CHAF1A: variants seen among roughly 807,000 people sequenced by gnomAD.
The protein encoded by CHAF1A is chromatin assembly factor 1 subunit A, also known as CAF-1 subunit A.
A neutral mutation model predicts 93.2 loss-of-function variants in CHAF1A; 5 were observed. That is an observed-to-expected ratio of 0.05 (90% CI 0.03 to 0.11). The LOEUF is 0.11. CHAF1A is among the 10% of genes least tolerant of loss of function. CHAF1A has a pLI of 1.00. For missense variants in CHAF1A, 1,102 were observed against 1,259.9 expected (o/e 0.87, Z 1.90); for synonymous variants, 504 against 510.3 (o/e 0.99, Z 0.17).
chr19:4,418,409 C>CTTTTTT (rs10549561), intron 4 of CHAF1A, among the ~76,000 whole-genome samples: 5 of 107,072 alleles, frequency 4.7e-5, no homozygotes, highest in Non-Finnish European at 7.6e-5. Flanking sequence ...AGTCCTGTCT[C>CTTTTTT]TTTTTTTTTT....
intron 2 of CHAF1A, 138 bp from the exon 3 acceptor site, chr19:4,408,765 C>T: frequency 9.0e-7 from 1 of 1,114,560 alleles, no homozygotes; most frequent in Non-Finnish European, 1.3e-6. Flanking sequence ...TGAGCCACCA[C>T]ACCCGGCCCA....
intron 1 of CHAF1A, among the ~76,000 whole-genome samples, chr19:4,403,433 C>G (rs1177722084): frequency 6.6e-6 from 1 of 152,262 alleles, no homozygotes; most frequent in African/African-American, 2.4e-5. Context: ...GAAGACCAGA[C>G]TGTCCCTCTC....
At position 4,422,941 on chromosome 19, in the gene CHAF1A, G is replaced by C. The variant is rs1903073656; in HGVS notation, c.1247+146G>C. Reference sequence around the variant, plus strand: ...TTTCTCCTTCGTGAGGTGCCCGTGGGGCCCTGACGTGGGAGCGGTGGAAAG... The same window carrying C: ...TTTCTCCTTCGTGAGGTGCCCGTGGCGCCCTGACGTGGGAGCGGTGGAAAG... On this transcript the variant is annotated intron_variant, in intron 5 of 14. Coordinates refer to ENST00000301280, the MANE Select transcript of CHAF1A (RefSeq NM_005483.3). This position sits in a 1 kb window ranked among gnomAD's most constrained non-coding sequence, Gnocchi z 4.6. 1.2e-6 allele frequency: 1 copy of C among 803,972 alleles called. No homozygotes were observed. The highest frequency in any genetic ancestry group is 1.7e-5 in the African/African-American group (1 of 57,322). 49.8% of individuals were successfully genotyped at this position (803,972 alleles called of 1,614,324 possible). A position where few individuals can be genotyped will look rare whatever the true frequency, so the allele number is the denominator to read the frequency against.
downstream of CHAF1A, chr19:4,446,134 C>G (rs761640078): frequency 1.9e-6 from 3 of 1,612,328 alleles, no homozygotes; most frequent in Non-Finnish European, 2.5e-6. Flanking sequence ...CAGCCAGTCG[C>G]TCTGCAGGGC....
At chr19:4,427,136 C>CTGTTTTTTTTTTTT (rs1974098280) in intron 7 of CHAF1A, among the ~76,000 whole-genome samples, 1 of 31,948 alleles carries the variant, frequency 3.1e-5, no homozygotes, top group Non-Finnish European at 5.0e-5. Flanking sequence ...AAGACCCTGT[C>CTGTTTTTTTTTTTT]TTTTTTTTTT....
intron 2 of CHAF1A, among the ~76,000 whole-genome samples, chr19:4,407,597 T>C (rs548387274): frequency 5.3e-5 from 8 of 152,296 alleles, no homozygotes; most frequent in African/African-American, 1.9e-4. Context: ...AACAAATGTC[T>C]CTTGAAATTC....
rs577302996 is a variant in CHAF1A, at chr19:4,436,261, T to C, written c.2673+2722T>C. ...CACAGCCATGGGCCTTAATATGCTG[T>C]GAATCTCCCTCAGCTGTCACAGCAG... is the stretch of plus-strand genomic sequence containing the variant. On this transcript the variant is annotated intron_variant, in intron 13 of 14. Coordinates refer to ENST00000301280, the MANE Select transcript of CHAF1A (RefSeq NM_005483.3). Among the ~76,000 whole-genome samples the C allele has an allele frequency of 2.0e-5, 3 of 152,312 alleles. No individual in the cohort carries two copies. In the South Asian group the frequency reaches 6.2e-4, roughly 32 times the overall value.
At chr19:4,411,375 A>C (rs1288061541) in intron 3 of CHAF1A, among the ~76,000 whole-genome samples, 1 of 151,978 alleles carries the variant, frequency 6.6e-6, no homozygotes, top group Admixed American at 6.6e-5. Context: ...GATTAGAGGC[A>C]CCCGCCACCA....
At chr19:4,423,658 G>A (rs867024503) in intron 6 of CHAF1A, 148 bp from the exon 7 acceptor site, 22 of 940,996 alleles carry the variant, frequency 2.3e-5, no homozygotes, top group East Asian at 1.0e-4. Flanking sequence ...GCTCAGTTGC[G>A]GGTCCGTGGG....
downstream of CHAF1A, chr19:4,448,578 G>T (rs564672174): frequency 3.1e-6 from 2 of 644,234 alleles, no homozygotes; most frequent in South Asian, 1.9e-5. Context: ...CTCCAAGACC[G>T]CAGCCCTGCC....
intron 3 of CHAF1A, among the ~76,000 whole-genome samples, chr19:4,414,976 C>T (rs983687964): frequency 1.1e-4 from 16 of 152,122 alleles, no homozygotes; most frequent in African/African-American, 3.9e-4. Flanking sequence ...AATCAGAGTC[C>T]ATAGGCTCTG....
At chr19:4,447,860 A>G, downstream of CHAF1A, 2 of 559,762 alleles carry the variant, frequency 3.6e-6, no homozygotes. Context: ...TCACCGTCCC[A>G]CCAGCCCTGG....
intron 13 of CHAF1A, among the ~76,000 whole-genome samples, chr19:4,440,557 C>T (rs940538907): frequency 3.3e-5 from 5 of 151,736 alleles, no homozygotes; most frequent in South Asian, 2.1e-4. Context: ...TGCAGTGAGT[C>T]GAGGTCTAAA....
In CHAF1A at chr19:4,423,810, T is replaced by C. The variant is rs1382039245; in HGVS notation, c.1313T>C (p.Ile438Thr). The C allele has an allele frequency of 5.0e-6, 8 of 1,614,020 alleles. No individual in the cohort carries two copies. Among genetic ancestry groups the C allele is most frequent in the Non-Finnish European group, 6.8e-6 (8 of 1,179,976 alleles). ...CACCATCTCTTAACATCACAGCGCA[T>C]TAAAGCAGAGAAGGCCGAAATCACG... ...EKRLREEEKR[I>T]KAEKAEITRF... Residue 438 changes from isoleucine to threonine, a missense_variant, in exon 7 of 15, where the codon ATT (isoleucine) becomes ACT (threonine). Around this residue, in one of 6 missense-constraint regions of CHAF1A, gnomAD observed 165 missense variants for 243.9 expected, o/e 0.68. Transcript: ENST00000301280.
At chr19:4,432,918 TCTTACACCCG>T in intron 12 of CHAF1A, 142 bp from the exon 13 acceptor site, 1 of 632,270 alleles carries the variant, frequency 1.6e-6, no homozygotes, top group Non-Finnish European at 2.7e-6. Context: ...TGCTACCCTG[TCTTACACCCG>T]CCCTCATGAG....
chr19:4,432,771 A>C lies in CHAF1A; in HGVS notation c.2204-299A>C, dbSNP rs969522679. Among the ~76,000 whole-genome samples, 3 of 151,544 alleles carry C rather than the reference A, an allele frequency of 2.0e-5. No individual in the cohort carries two copies. In the South Asian group the frequency reaches 6.3e-4, roughly 32 times the overall value. ...CAAGACCCTGTCTAAAAAAAAAAAA[A>C]AACTCAAAAAACTGGGGAGGGACCA... On this transcript the variant is annotated intron_variant, in intron 12 of 14. Coordinates refer to ENST00000301280, the MANE Select transcript of CHAF1A (RefSeq NM_005483.3).
intron 3 of CHAF1A, among the ~76,000 whole-genome samples, chr19:4,414,759 C>T (rs761812666): frequency 1.3e-5 from 2 of 152,134 alleles, no homozygotes; most frequent in Non-Finnish European, 2.9e-5. Context: ...CCTTGAGCTT[C>T]CTTCTACAAG....
chr19:4,410,105 T>C (rs1973765735), intron 3 of CHAF1A, among the ~76,000 whole-genome samples: 1 of 152,138 alleles, frequency 6.6e-6, no homozygotes, highest in African/African-American at 2.4e-5. Context: ...AGATTCGAGG[T>C]CCAGCTTTCT....
intron 3 of CHAF1A, among the ~76,000 whole-genome samples, chr19:4,417,423 T>C (rs1973913327): frequency 6.7e-6 from 1 of 150,028 alleles, no homozygotes; most frequent in South Asian, 2.1e-4. Flanking sequence ...TTGCTACAAA[T>C]CCATCCTCTC....
Sources: allele counts gnomAD v4.1 joint callset (sites outside exome capture counted in the v4.1 genomes callset), GRCh38; gene constraint gnomAD v4.1.1; regional missense constraint gnomAD v4.1.1; non-coding constraint Gnocchi (gnomAD v3.1); transcripts MANE v1.5; gene names NCBI Gene and HGNC (gene_info 2026-07-23, HGNC 2026-07-21).